Variants in DNMBP observed in about 807,000 individuals in gnomAD.
The protein encoded by DNMBP is dynamin binding protein, also known as dynamin-binding protein.
Under a neutral mutation model 150.0 loss-of-function variants are expected in DNMBP, and 87 were observed. The ratio of observed to expected loss-of-function variants is 0.58; its 90% CI spans 0.49 to 0.69. The LOEUF is 0.69. Among genes scored for constraint, DNMBP ranks in the 30% least tolerant of loss-of-function variants. The pLI is 0.00. For synonymous variants in DNMBP, 711 were observed against 750.4 expected (o/e 0.95, Z 0.86); for missense variants, 1,774 against 1,949.0 (o/e 0.91, Z 1.69).
chr10:99,993,370 G>T (rs1427978375), intron 1 of DNMBP, among the ~76,000 whole-genome samples: 2 of 152,202 alleles, frequency 1.3e-5, no homozygotes, highest in African/African-American at 4.8e-5. Context: ...TGGTGAATGG[G>T]TGTACAACTT....
At chr10:99,969,364 T>A in intron 2 of DNMBP, 127 bp from the exon 3 acceptor site, 1 of 880,684 alleles carries the variant, frequency 1.1e-6, no homozygotes, top group East Asian at 2.6e-5. Flanking sequence ...GGAATACTCA[T>A]AATTGGAGAA....
intron 4 of DNMBP, among the ~76,000 whole-genome samples, chr10:99,936,955 G>A (rs2040240865): frequency 6.6e-6 from 1 of 152,150 alleles, no homozygotes; most frequent in African/African-American, 2.4e-5. Context: ...CTGGAGTGCA[G>A]TGGCATGATC....
chr10:100,009,165 A>ACTT, intron 1 of DNMBP, among the ~76,000 whole-genome samples: 1 of 152,236 alleles, frequency 6.6e-6, no homozygotes, highest in South Asian at 2.1e-4. Flanking sequence ...TTGCACTTAA[A>ACTT]ATTTAAGTCT....
chr10:99,941,427 T>C (rs12250673), intron 4 of DNMBP, among the ~76,000 whole-genome samples: 6,718 of 151,876 alleles, frequency 0.044, 163 homozygotes, highest in South Asian at 0.083. Context: ...TCCAGTTGCC[T>C]AACCTCAGGG....
intron 3 of DNMBP, among the ~76,000 whole-genome samples, chr10:99,961,682 A>G (rs1423008690): frequency 1.3e-5 from 2 of 152,384 alleles, no homozygotes; most frequent in East Asian, 3.9e-4. Flanking sequence ...TGACAAATCA[A>G]GATTACAAAT....
chr10:99,886,756 C>A lies in DNMBP; in HGVS notation c.3286-124G>T. 2 of 797,920 alleles carry A rather than the reference C, an allele frequency of 2.5e-6. 1 individual carries two copies. Among genetic ancestry groups the A allele is most frequent in the South Asian group, 3.5e-5 (2 of 57,744 alleles). The allele number at this position is 797,920 out of a possible 1,614,324, so 49.4% of individuals were successfully genotyped here. A position where few individuals can be genotyped will look rare whatever the true frequency, so the allele number is the denominator to read the frequency against. On this transcript the variant is annotated intron_variant, in intron 12 of 16. Coordinates refer to ENST00000324109, the MANE Select transcript of DNMBP (RefSeq NM_015221.4). ...ACCTACTTCGTTTCTAGTACACAAG[C>A]TAAACCCATACAGATCTACAACAGT...
In DNMBP at chr10:99,877,103, GCGGA is replaced by G; in HGVS notation, c.*44_*47del. ...TCTCGGTGGGCCGCCAGAACCCTCG[GCGGA>G]CTGAAAGCAAAGGCAGCAAGGCTGG... On this transcript the variant is annotated 3_prime_UTR_variant, in exon 17 of 17. Coordinates refer to ENST00000324109, the MANE Select transcript of DNMBP (RefSeq NM_015221.4). 1 of 1,390,748 alleles carries G rather than the reference GCGGA, an allele frequency of 7.2e-7. No individual in the cohort carries two copies. Among genetic ancestry groups the G allele is most frequent in the Non-Finnish European group, 9.5e-7 (1 of 1,058,176 alleles). The allele number at this position is 1,390,748 out of a possible 1,614,324, so 86.2% of individuals were successfully genotyped here. A position where few individuals can be genotyped will look rare whatever the true frequency, so the allele number is the denominator to read the frequency against.
At position 99,914,714 on chromosome 10, in the gene DNMBP, C is replaced by T. The variant is rs529895983; in HGVS notation, c.2261-5568G>A. ...TATGCCACAATTTTTTAAGAAAATG[C>T]ACAATTTTGTAAGAAAATGGAGAAC... On this transcript the variant is annotated intron_variant, in intron 4 of 16. Coordinates refer to ENST00000324109, the MANE Select transcript of DNMBP (RefSeq NM_015221.4). Among the ~76,000 whole-genome samples the T allele has an allele frequency of 2.0e-5, 3 of 152,122 alleles. No individual in the cohort carries two copies. The South Asian group carries it at 6.2e-4, about 32-fold the overall frequency.
In DNMBP at chr10:99,969,185, C is replaced by G. The variant is rs754364848; in HGVS notation, c.198G>C (p.Glu66Asp). The change falls in exon 3 of 17, where the codon GAG becomes GAC. Residue 66 changes from glutamate to aspartate, a missense_variant. Around this residue, in one of 2 missense-constraint regions of DNMBP, gnomAD observed 344 missense variants for 456.6 expected, o/e 0.75. Coordinates refer to ENST00000324109, the MANE Select transcript of DNMBP (RefSeq NM_015221.4). Reference sequence around the variant, plus strand: ...AAATGCACACAAACAGCCTCTCTCCCTCTTTTAGACTGGGAATGGTCACAA... The same window carrying G: ...AAATGCACACAAACAGCCTCTCTCCGTCTTTTAGACTGGGAATGGTCACAA... ...VEIVTIPSLK[E>D]GERLFVCICE... The G allele has an allele frequency of 6.2e-7, 1 of 1,614,064 alleles. No homozygotes were observed. Among genetic ancestry groups the G allele is most frequent in the Non-Finnish European group, 8.5e-7 (1 of 1,179,940 alleles).
intron 4 of DNMBP, among the ~76,000 whole-genome samples, chr10:99,929,385 G>A (rs1416290242): frequency 1.3e-5 from 2 of 152,192 alleles, no homozygotes; most frequent in East Asian, 1.9e-4. Context: ...CCATGAGAGC[G>A]CTATCCGAAT....
chr10:99,903,187 C>T (rs890183786), intron 6 of DNMBP, among the ~76,000 whole-genome samples: 1 of 151,550 alleles, frequency 6.6e-6, no homozygotes, highest in Non-Finnish European at 1.5e-5. Context: ...GCAATCCTCC[C>T]GCCTTGGCCT....
chr10:99,956,592 G>A lies in DNMBP; in HGVS notation c.882C>T (p.Tyr294=). Residue 294 remains tyrosine, a synonymous_variant, in exon 4 of 17, where the codon TAC becomes TAT. Coordinates refer to ENST00000324109, the MANE Select transcript of DNMBP (RefSeq NM_015221.4). ...SLKGRTGIFP[Y]RFVKLCPDTR... ...TGTCAGGACATAATTTCACAAACCGGTAAGGAAAGATGCCTGTCCTGCCCT... is the reference window on the plus strand; with the variant it reads ...TGTCAGGACATAATTTCACAAACCGATAAGGAAAGATGCCTGTCCTGCCCT... 6.2e-7 allele frequency: 1 copy of A among 1,614,090 alleles called. No homozygotes were observed. Among genetic ancestry groups the A allele is most frequent in the Non-Finnish European group, 8.5e-7 (1 of 1,180,024 alleles).
chr10:99,913,112 T>C (rs2039921044), intron 4 of DNMBP, among the ~76,000 whole-genome samples: 1 of 152,034 alleles, frequency 6.6e-6, no homozygotes, highest in South Asian at 2.1e-4. Context: ...CTGGGCAATA[T>C]AGTGAGACAC....
rs185579199 is a variant in DNMBP at position 99,933,309 on chromosome 10, A to C, written c.2260+21905T>G. 3.1e-3 allele frequency among the ~76,000 whole-genome samples: 474 copies of C among 151,662 alleles called. 3 individuals are homozygous for C. The highest frequency in any genetic ancestry group is 0.01 in the African/African-American group (427 of 41,196). On this transcript the variant is annotated intron_variant, in intron 4 of 16. Transcript: ENST00000324109. ...AGACCCTGTCTCAAAAAATAATAAT[A>C]ATCAAATGAATTTTAAAATAAAAGG...
At chr10:99,998,604 A>G (rs1259787112) in intron 1 of DNMBP, among the ~76,000 whole-genome samples, 3 of 151,270 alleles carry the variant, frequency 2.0e-5, no homozygotes, top group African/African-American at 7.3e-5. Flanking sequence ...AAAAAGAAAC[A>G]CATTAACTAA....
Position 99,895,254 on chromosome 10 carries a change from A to G in DNMBP, c.3052-204T>C, listed in dbSNP as rs1011460535. Among the ~76,000 whole-genome samples, 36 of 151,328 alleles carry G rather than the reference A, an allele frequency of 2.4e-4. 1 individual carries two copies. The highest frequency in any genetic ancestry group is 1.9e-3 in the Admixed American group (29 of 15,118). ...CAATTCTCCTGCGTCAGCCTCTCGC[A>G]TAGCTGAGATTACAGGCTTGCATCA... On this transcript the variant is annotated intron_variant, in intron 10 of 16. Transcript: ENST00000324109.
rs1317313431 is a variant in DNMBP at position 99,962,811 on chromosome 10, C to T, written c.269-5606G>A. On this transcript the variant is annotated intron_variant, in intron 3 of 16. Transcript: ENST00000324109. The stretch of plus-strand genomic sequence containing the variant: ...CCCACTCTGCTGGCTTTGAAATCAA[C>T]TGGCTTTCTTAAAGCTGTAGAATTA... 3.9e-5 allele frequency among the ~76,000 whole-genome samples: 6 copies of T among 152,216 alleles called. 1 individual carries two copies. Among genetic ancestry groups the T allele is most frequent in the Non-Finnish European group, 1.5e-5 (1 of 68,036 alleles).
At chr10:99,929,378 T>C (rs1021102041) in intron 4 of DNMBP, among the ~76,000 whole-genome samples, 14 of 152,246 alleles carry the variant, frequency 9.2e-5, no homozygotes, top group Non-Finnish European at 2.1e-4. Context: ...AAAGTTCCCA[T>C]GAGAGCGCTA....
At chr10:100,005,395 G>C (rs1157626732) in intron 1 of DNMBP, among the ~76,000 whole-genome samples, 1 of 152,082 alleles carries the variant, frequency 6.6e-6, no homozygotes, top group Admixed American at 6.6e-5. Context: ...CAAACAGCAT[G>C]GGGTATAAAT....
Sources: allele counts gnomAD v4.1 joint callset (sites outside exome capture counted in the v4.1 genomes callset), GRCh38; gene constraint gnomAD v4.1.1; regional missense constraint gnomAD v4.1.1; transcripts MANE v1.5; gene names NCBI Gene and HGNC (gene_info 2026-07-23, HGNC 2026-07-21).